Variants in ERN2 observed in about 807,000 individuals in gnomAD.
ERN2 encodes the protein serine/threonine-protein kinase/endoribonuclease IRE2.
Under a neutral mutation model 107.9 loss-of-function variants are expected in ERN2, and 111 were observed. The observed-to-expected ratio is 1.03, with a 90% CI of 0.88 to 1.20. The LOEUF (loss-of-function observed/expected upper bound fraction) is 1.20. Among genes scored for constraint, ERN2 ranks in the 50% most tolerant of loss-of-function variants. ERN2 has a pLI of 0.00. For synonymous variants in ERN2, 524 were observed against 501.7 expected (o/e 1.04, Z -0.59); for missense variants, 1,225 against 1,197.9 (o/e 1.02, Z -0.33).
At chr16:23,710,273 A>G (rs999962148) in intron 3 of ERN2, 29 bp from the exon 4 acceptor site, 5 of 1,587,300 alleles carry the variant, frequency 3.1e-6, no homozygotes, top group Non-Finnish European at 3.5e-6. Flanking sequence ...CAAGGAGACC[A>G]ATGGGTTCTT....
Position 23,690,953 on chromosome 16 carries a change from G to T in ERN2, c.2659C>A (p.Pro887Thr). Residue 887 changes from proline to threonine, a missense_variant, in exon 22 of 22, where the codon CCA becomes ACA. Physicochemically the swap from Pro to Thr is conservative, Grantham distance 38. Transcript: ENST00000256797. ...GFVQYFTNRF[P>T]RLLLHTHRAM... ...CGGTGCGTGTGGAGGAGCAGCCGTG[G>T]GAAGCGGTTTGTGAAGTACTGGACG... The T allele has an allele frequency of 6.2e-7, 1 of 1,614,168 alleles. No individual in the cohort carries two copies. Among genetic ancestry groups the T allele is most frequent in the South Asian group, 1.1e-5 (1 of 91,090 alleles).
intron 2 of ERN2, 140 bp downstream of exon 2, chr16:23,710,773 C>G (rs991067624): frequency 2.3e-5 from 19 of 821,840 alleles, no homozygotes; most frequent in Non-Finnish European, 3.6e-5. Flanking sequence ...CAAGGCCACA[C>G]AGCTGGTAAG....
chr16:23,696,805 G>A (rs1769157824), intron 13 of ERN2: 1 of 152,236 alleles, frequency 6.6e-6, no homozygotes, highest in African/African-American at 2.4e-5. Flanking sequence ...CCCTAGAGTT[G>A]TGCAGTGCGG....
chr16:23,709,946 G>A, intron 4 of ERN2: 1 of 518,998 alleles, frequency 1.9e-6, no homozygotes, highest in Non-Finnish European at 3.5e-6. Context: ...AGAAGGCCCT[G>A]GGATACCTCC....
At chr16:23,708,433 T>G (rs752252109) in intron 4 of ERN2, among the ~76,000 whole-genome samples, 1 of 146,890 alleles carries the variant, frequency 6.8e-6, no homozygotes, top group Non-Finnish European at 1.5e-5. Context: ...CTTGGCTCGC[T>G]GCAACCTCTG....
rs1428105976 is a variant in ERN2 at position 23,694,798 on chromosome 16, T to C, written c.2030A>G (p.His677Arg). 4 of 1,613,160 alleles carry C rather than the reference T, an allele frequency of 2.5e-6. No individual in the cohort carries two copies. Among genetic ancestry groups the C allele is most frequent in the Non-Finnish European group, 3.4e-6 (4 of 1,179,832 alleles). Residue 677 changes from histidine (H) to arginine (R), a missense_variant, in exon 17 of 22, where the codon CAC (histidine) becomes CGC (arginine). Coordinates refer to ENST00000256797, the MANE Select transcript of ERN2 (RefSeq NM_033266.4). ...LPAGRCSFSL[H>R]SGIPGTEGWM... ...GCCTTCCGTGCCGGGGATGCCGGAGTGGAGGCTGAAGCTACAGCGGCCAGC... is the reference window on the plus strand; with the variant it reads ...GCCTTCCGTGCCGGGGATGCCGGAGCGGAGGCTGAAGCTACAGCGGCCAGC...
rs948754379 is a variant in ERN2, at chr16:23,713,145, C to T, written c.43G>A (p.Gly15Arg). 8.3e-6 allele frequency: 13 copies of T among 1,573,400 alleles called. No homozygotes were observed. Among genetic ancestry groups the T allele is most frequent in the Admixed American group, 1.8e-5 (1 of 55,940 alleles). ...VRGSRPWPRLGLQLQFAALLL... is the reference protein window; with the variant it reads ...VRGSRPWPRLRLQLQFAALLL... ...AGCGCCGCGAACTGGAGCTGGAGCC[C>T]CAGCCGGGGCCACGGCCTCGACCCC... is the stretch of plus-strand genomic sequence containing the variant. The change falls in exon 1 of 22, where the codon GGG (glycine) becomes AGG (arginine). Residue 15 changes from glycine to arginine, a missense_variant. Transcript: ENST00000256797.
At chr16:23,706,099 A>G in intron 7 of ERN2, 1 of 451,606 alleles carries the variant, frequency 2.2e-6, no homozygotes, top group East Asian at 3.8e-5. Context: ...GGCCACTTGG[A>G]GTATAGAAGA....
At chr16:23,711,097 C>T (rs1384924931) in intron 1 of ERN2, 79 bp from the exon 2 acceptor site, 7 of 899,436 alleles carry the variant, frequency 7.8e-6, no homozygotes, top group Non-Finnish European at 1.3e-5. Flanking sequence ...CAGGGCTGGC[C>T]ATGACTCCCC....
At chr16:23,702,561 T>A in intron 9 of ERN2, 24 bp from the exon 10 acceptor site, 1 of 1,613,954 alleles carries the variant, frequency 6.2e-7, no homozygotes, top group Middle Eastern at 1.7e-4. Flanking sequence ...TGGAGAGCCA[T>A]GAGTGAGGGA....
chr16:23,707,732 C>G (rs932160447), intron 4 of ERN2, among the ~76,000 whole-genome samples: 3 of 151,962 alleles, frequency 2.0e-5, no homozygotes, highest in African/African-American at 7.3e-5. Flanking sequence ...TAAAATGAAA[C>G]AAACAAACAA....
In ERN2 at chr16:23,702,400, C is replaced by T; in HGVS notation, c.1071G>A (p.Trp357Ter). ...GCCAGAGGATCTCACCAATGAGCAGCCACTGGCTTGGGAGGGCCACACTGC... is the reference window on the plus strand; with the variant it reads ...GCCAGAGGATCTCACCAATGAGCAGTCACTGGCTTGGGAGGGCCACACTGC... ...PSGSVALPSQ[W>*]LLIGHHELPP... The change falls in exon 10 of 22, where the codon TGG becomes TGA. Residue 357 changes from tryptophan (W) to a stop codon, truncating the protein, a stop_gained. Coordinates refer to ENST00000256797, the MANE Select transcript of ERN2 (RefSeq NM_033266.4). LOFTEE classifies it high-confidence loss of function. The T allele has an allele frequency of 6.2e-7, 1 of 1,613,326 alleles. No homozygotes were observed. Among genetic ancestry groups the T allele is most frequent in the Non-Finnish European group, 8.5e-7 (1 of 1,179,702 alleles).
chr16:23,710,820 C>A, intron 2 of ERN2, 93 bp downstream of exon 2: 1 of 1,020,270 alleles, frequency 9.8e-7, no homozygotes, highest in Non-Finnish European at 1.5e-6. Context: ...TTATTGGATT[C>A]TAGAGCCCAT....
Position 23,700,530 on chromosome 16 carries a change from C to T in ERN2, c.1525+9G>A. 1 of 1,604,450 alleles carries T rather than the reference C, an allele frequency of 6.2e-7. No individual in the cohort carries two copies. The highest frequency in any genetic ancestry group is 8.5e-7 in the Non-Finnish European group (1 of 1,175,916). On this transcript the variant is annotated intron_variant, in intron 13 of 21. Coordinates refer to ENST00000256797, the MANE Select transcript of ERN2 (RefSeq NM_033266.4). ...TCCTGACTGCCCTGTCTTGTTCACA[C>T]AGGCTCACCTTCAGGGTCGTCGAGT...
At chr16:23,710,364 G>A (rs1403620754) in intron 3 of ERN2, 120 bp from the exon 4 acceptor site, 5 of 1,183,732 alleles carry the variant, frequency 4.2e-6, no homozygotes, top group Non-Finnish European at 6.3e-6. Context: ...AACATCATGG[G>A]GCTCCAAGAC....
At position 23,694,789 on chromosome 16, in the gene ERN2, A is replaced by T. The variant is rs1461907501; in HGVS notation, c.2039T>A (p.Ile680Asn). Residue 680 changes from isoleucine (I) to asparagine (N), a missense_variant, in exon 17 of 22, where the codon ATC (isoleucine) becomes AAC (asparagine). Ile to Asn is a moderately radical substitution (Grantham distance 149). Coordinates refer to ENST00000256797, the MANE Select transcript of ERN2 (RefSeq NM_033266.4). ...GRCSFSLHSG[I>N]PGTEGWMAPE... ...CGCCATCCAGCCTTCCGTGCCGGGG[A>T]TGCCGGAGTGGAGGCTGAAGCTACA... 6.2e-7 allele frequency: 1 copy of T among 1,613,470 alleles called. No homozygotes were observed. Among genetic ancestry groups the T allele is most frequent in the South Asian group, 1.1e-5 (1 of 90,936 alleles).
chr16:23,702,287 C>T lies in ERN2; in HGVS notation c.1082-14G>A, dbSNP rs1036095580. ...GCTCGTGGTGTCCTAAGGTGGGGGG[C>T]AAAAGTCATCAGGCTGAAGGGGACC... On this transcript the variant is annotated splice_polypyrimidine_tract_variant and intron_variant, in intron 10 of 21. Coordinates refer to ENST00000256797, the MANE Select transcript of ERN2 (RefSeq NM_033266.4). 2 of 1,613,672 alleles carry T rather than the reference C, an allele frequency of 1.2e-6. No individual in the cohort carries two copies. The highest frequency in any genetic ancestry group is 3.3e-5 in the Admixed American group (2 of 59,956).
chr16:23,690,416 A>C lies in ERN2; in HGVS notation c.*415T>G. The C allele has an allele frequency of 2.2e-6, 1 of 456,158 alleles. No homozygotes were observed. Among genetic ancestry groups the C allele is most frequent in the Middle Eastern group, 6.1e-4 (1 of 1,650 alleles). The allele number at this position is 456,158 out of a possible 1,614,324, so 28.3% of individuals were successfully genotyped here. ...TGCCAGGGCCTGGGATCCAGCGAAC[A>C]TCTCTGCTTCATCAGCCCCAGGCTG... On this transcript the variant is annotated 3_prime_UTR_variant, in exon 22 of 22. Transcript: ENST00000256797.
Position 23,705,020 on chromosome 16 carries a change from G to T in ERN2, c.717C>A (p.Gly239=), listed in dbSNP as rs768038286. 1.9e-6 allele frequency: 3 copies of T among 1,613,830 alleles called. No homozygotes were observed. The highest frequency in any genetic ancestry group is 3.3e-5 in the Admixed American group (2 of 60,006). ...GCGTGAGATGCGGCAGCTGGCGCAGGCCGTCCTGGTGCCAGGTGTAGACGC... is the reference window on the plus strand; with the variant it reads ...GCGTGAGATGCGGCAGCTGGCGCAGTCCGTCCTGGTGCCAGGTGTAGACGC... ...VMGVYTWHQD[G]LRQLPHLTLA... Residue 239 remains glycine, a synonymous_variant, in exon 8 of 22, where the codon GGC becomes GGA. Transcript: ENST00000256797.
Sources: gnomAD v4.1 joint callset for allele counts (sites outside exome capture counted in the v4.1 genomes callset) on GRCh38, gnomAD v4.1.1 for gene constraint, MANE v1.5 for transcripts, NCBI Gene and HGNC (gene_info 2026-07-23, HGNC 2026-07-21) for gene names.